Variants in NOL4 observed in about 807,000 individuals in gnomAD.
NOL4 encodes cancer/testis antigen 125.
A neutral mutation model predicts 75.9 loss-of-function variants in NOL4; 17 were observed. The observed-to-expected ratio is 0.22, with a 90% CI of 0.15 to 0.34. The LOEUF is 0.34. Ranked by LOEUF, NOL4 falls within the 10% of genes least tolerant of loss-of-function variation. The pLI, the probability that NOL4 is intolerant of heterozygous loss-of-function variation, is 1.00. For missense variants in NOL4, 614 were observed against 793.5 expected (o/e 0.77, Z 2.72); for synonymous variants, 292 against 289.9 (o/e 1.01, Z -0.07).
chr18:34,131,009 T>C (rs973811745), intron 1 of NOL4, among the ~76,000 whole-genome samples: 1 of 151,752 alleles, frequency 6.6e-6, no homozygotes, highest in African/African-American at 2.4e-5. Context: ...CTTACATGAC[T>C]GCAACATGAA....
chr18:34,159,355 C>T (rs2031056129), intron 1 of NOL4, among the ~76,000 whole-genome samples: 1 of 152,120 alleles, frequency 6.6e-6, no homozygotes, highest in African/African-American at 2.4e-5. Flanking sequence ...ACGTCCCCCG[C>T]CACCAGTACC....
At chr18:34,070,100 C>T (rs866739391) in intron 5 of NOL4, among the ~76,000 whole-genome samples, 3 of 152,206 alleles carry the variant, frequency 2.0e-5, no homozygotes, top group African/African-American at 7.2e-5. Context: ...GGCGCAATCC[C>T]GGCTCACTGA....
chr18:34,142,381 T>C (rs1204743796), intron 1 of NOL4, among the ~76,000 whole-genome samples: 4 of 152,190 alleles, frequency 2.6e-5, no homozygotes, highest in Non-Finnish European at 5.9e-5. Flanking sequence ...CATATGCACA[T>C]GTATGTTTAT....
Position 33,980,780 on chromosome 18 carries a change from T to C in NOL4, c.1057-22362A>G. Reference sequence around the variant, plus strand: ...ATTTCCTTTTACCAAGAACATCATGTATTCCTTCTAACAAAAATTTACAAA... The same window carrying C: ...ATTTCCTTTTACCAAGAACATCATGCATTCCTTCTAACAAAAATTTACAAA... On this transcript the variant is annotated intron_variant, in intron 6 of 10. Coordinates refer to ENST00000261592, the MANE Select transcript of NOL4 (RefSeq NM_003787.5). Among the ~76,000 whole-genome samples the C allele has an allele frequency of 1.3e-5, 2 of 152,050 alleles. 1 individual carries two copies. The highest frequency in any genetic ancestry group is 2.9e-5 in the Non-Finnish European group (2 of 67,958).
intron 5 of NOL4, among the ~76,000 whole-genome samples, chr18:34,066,924 A>C (rs1343471403): frequency 6.6e-6 from 1 of 152,136 alleles, no homozygotes; most frequent in African/African-American, 2.4e-5. Context: ...GCTGACTAAT[A>C]AAGAATCAGC....
At chr18:34,187,261 TC>T (rs1173358002) in intron 1 of NOL4, among the ~76,000 whole-genome samples, 1 of 152,168 alleles carries the variant, frequency 6.6e-6, no homozygotes, top group African/African-American at 2.4e-5. Flanking sequence ...TTCCAGAGTG[TC>T]AGATAATTGG....
At chr18:34,017,582 T>C (rs183075396) in intron 6 of NOL4, among the ~76,000 whole-genome samples, 1 of 152,306 alleles carries the variant, frequency 6.6e-6, no homozygotes, top group Non-Finnish European at 1.5e-5. Flanking sequence ...GCTAAGTATT[T>C]ACTATGTTCT....
At chr18:33,917,450 C>G (rs1211174893) in intron 9 of NOL4, among the ~76,000 whole-genome samples, 2 of 152,028 alleles carry the variant, frequency 1.3e-5, no homozygotes, top group African/African-American at 2.4e-5. Flanking sequence ...GTATATAAAA[C>G]AAAATCCAAC....
chr18:33,975,691 CT>C (rs2071439526), intron 6 of NOL4, among the ~76,000 whole-genome samples: 1 of 152,184 alleles, frequency 6.6e-6, no homozygotes. Flanking sequence ...AGGAGAATTG[CT>C]TGAACCTAGG....
chr18:34,145,005 C>T (rs1169024503), intron 1 of NOL4, among the ~76,000 whole-genome samples: 1 of 152,112 alleles, frequency 6.6e-6, no homozygotes, highest in East Asian at 1.9e-4. Context: ...TGAACTTCTT[C>T]CTAACTCCTA....
chr18:34,159,733 C>T lies in NOL4; in HGVS notation c.265-29713G>A, dbSNP rs766969904. 2.0e-4 allele frequency among the ~76,000 whole-genome samples: 31 copies of T among 152,240 alleles called. 1 individual carries two copies. The highest frequency in any genetic ancestry group is 7.2e-4 in the African/African-American group (30 of 41,554). On this transcript the variant is annotated intron_variant, in intron 1 of 10. Coordinates refer to ENST00000261592, the MANE Select transcript of NOL4 (RefSeq NM_003787.5). ...CTTCACTCCCACCTAGAATTATCTT[C>T]GAGGACTATAACGCCGGATCCTTTC...
chr18:33,994,820 G>A (rs942312321), intron 6 of NOL4, among the ~76,000 whole-genome samples: 1 of 151,464 alleles, frequency 6.6e-6, no homozygotes, highest in Non-Finnish European at 1.5e-5. Context: ...ATAGAGAATA[G>A]AGAAACAATA....
rs928511547 is a variant in NOL4, at chr18:34,120,630, A to G, written c.414+9241T>C. 2.6e-5 allele frequency among the ~76,000 whole-genome samples: 4 copies of G among 152,218 alleles called. No homozygotes were observed. In the South Asian group the frequency reaches 8.3e-4, roughly 31 times the overall value. ...GTTCAAGTCAGTTTTTCAGACGGAT[A>G]AAAACAATTTGGAGATTTGAGGCAA... is the stretch of plus-strand genomic sequence containing the variant. On this transcript the variant is annotated intron_variant, in intron 2 of 10. Coordinates refer to ENST00000261592, the MANE Select transcript of NOL4 (RefSeq NM_003787.5).
intron 1 of NOL4, among the ~76,000 whole-genome samples, chr18:34,194,883 G>A (rs1173827032): frequency 1.3e-5 from 2 of 152,008 alleles, no homozygotes; most frequent in East Asian, 3.9e-4. Context: ...AATTAGCCGG[G>A]CGTGGTAGTA....
At position 34,176,697 on chromosome 18, in the gene NOL4, G is replaced by A. The variant is rs2146302001; in HGVS notation, c.264+46293C>T. ...CTCTCTCTCTCTACCATGAAAGTAT[G>A]CAGAGAGAAAGTGTTCATCTACAAG... On this transcript the variant is annotated intron_variant, in intron 1 of 10. Transcript: ENST00000261592. Among the ~76,000 whole-genome samples, 4 of 152,192 alleles carry A rather than the reference G, an allele frequency of 2.6e-5. No individual in the cohort carries two copies. In the South Asian group the frequency reaches 8.3e-4, roughly 32 times the overall value.
rs1057491769 is a variant in NOL4, at chr18:34,104,940, C to T, written c.526+109G>A. ...CTCCTACTTGAATAAATGAGATGAT[C>T]TGACTTGTTGAACTGTTTCAGTCTA... On this transcript the variant is annotated intron_variant, in intron 3 of 10. Transcript: ENST00000261592. 3 of 638,388 alleles carry T rather than the reference C, an allele frequency of 4.7e-6. No homozygotes were observed. The East Asian group carries it at 8.5e-5, about 18-fold the overall frequency. 39.5% of individuals were successfully genotyped at this position (638,388 alleles called of 1,614,324 possible). A position where few individuals can be genotyped will look rare whatever the true frequency, so the allele number is the denominator to read the frequency against.
chr18:33,959,631 A>G (rs1192911808), intron 6 of NOL4, among the ~76,000 whole-genome samples: 2 of 152,118 alleles, frequency 1.3e-5, no homozygotes, highest in Non-Finnish European at 2.9e-5. Context: ...CATGATATAA[A>G]AGATATTTTT....
intron 6 of NOL4, among the ~76,000 whole-genome samples, chr18:34,017,973 A>C (rs541947162): frequency 6.6e-6 from 1 of 152,284 alleles, no homozygotes; most frequent in Admixed American, 6.5e-5. Flanking sequence ...AAGTCACTTC[A>C]TTCTGTCTAA....
At chr18:33,992,265 A>T (rs973147716) in intron 6 of NOL4, among the ~76,000 whole-genome samples, 6 of 152,028 alleles carry the variant, frequency 3.9e-5, no homozygotes, top group African/African-American at 1.4e-4. Context: ...ATATACTGAT[A>T]CATTTCCCTA....
Sources: gnomAD v4.1 joint callset for allele counts (sites outside exome capture counted in the v4.1 genomes callset) on GRCh38, gnomAD v4.1.1 for gene constraint, MANE v1.5 for transcripts, NCBI Gene and HGNC (gene_info 2026-07-23, HGNC 2026-07-21) for gene names.